SNX29: variants seen among roughly 807,000 people sequenced by gnomAD.
SNX29 encodes the protein sorting nexin-29.
A neutral mutation model predicts 102.1 loss-of-function variants in SNX29; 78 were observed. The ratio of observed to expected loss-of-function variants is 0.76; its 90% CI spans 0.64 to 0.92. The LOEUF (loss-of-function observed/expected upper bound fraction) is 0.92. Ranked by LOEUF, SNX29 falls within the 40% of genes least tolerant of loss-of-function variation. The pLI is 0.00. For synonymous variants in SNX29, 580 were observed against 414.5 expected (o/e 1.40, Z -4.85); for missense variants, 1,280 against 1,061.7 (o/e 1.21, Z -2.86).
chr16:12,221,804 C>T (rs1459259908), intron 14 of SNX29, among the ~76,000 whole-genome samples: 6 of 152,284 alleles, frequency 3.9e-5, no homozygotes, highest in South Asian at 2.1e-4. Context: ...TGCTCTCCAG[C>T]GTGTCTGTTG....
rs188855337 is a variant in SNX29, at chr16:12,545,030, G to C, written c.2318+20189G>C. The stretch of plus-strand genomic sequence containing the variant: ...GAAGCAGCAGATGTCGGCTTCAGTA[G>C]CCAGGTCTGTGATGCCCTGCTCCTG... On this transcript the variant is annotated intron_variant, in intron 20 of 20. Transcript: ENST00000566228. Among the ~76,000 whole-genome samples, 356 of 152,280 alleles carry C rather than the reference G, an allele frequency of 2.3e-3. 1 individual carries two copies. Among genetic ancestry groups the C allele is most frequent in the African/African-American group, 8.4e-3 (347 of 41,550 alleles).
chr16:12,011,555 G>A (rs963883369), intron 3 of SNX29, among the ~76,000 whole-genome samples: 6 of 152,106 alleles, frequency 3.9e-5, no homozygotes, highest in South Asian at 2.1e-4. Context: ...GATTATAGGC[G>A]TGAGTCACTA....
intron 13 of SNX29, among the ~76,000 whole-genome samples, chr16:12,131,352 A>G (rs894119969): frequency 1.3e-5 from 2 of 152,244 alleles, no homozygotes; most frequent in Admixed American, 6.5e-5. Context: ...CCAGATCCCA[A>G]CTTACATGCA....
At chr16:12,125,630 T>C (rs2054180266) in intron 11 of SNX29, among the ~76,000 whole-genome samples, 1 of 85,898 alleles carries the variant, frequency 1.2e-5, no homozygotes, top group South Asian at 4.1e-4. Flanking sequence ...TTTTTTTTTT[T>C]TTTTTTTTTT....
chr16:12,160,598 T>G (rs853870), intron 13 of SNX29, among the ~76,000 whole-genome samples: 63,269 of 152,008 alleles, frequency 0.42, 16,747 homozygotes, highest in African/African-American at 0.76. Flanking sequence ...TGGATATAGG[T>G]TTTCTTTTTG....
chr16:11,999,370 G>C lies in SNX29; in HGVS notation c.69+12G>C, dbSNP rs772980647. On this transcript the variant is annotated intron_variant, in intron 2 of 20. Transcript: ENST00000566228. ...ATGCAGTGAAACAGGTAAGCAGAAA[G>C]CACACATTTGCCTTTTTGGTCGAGT... 6.2e-7 allele frequency: 1 copy of C among 1,613,678 alleles called. No individual in the cohort carries two copies. Among genetic ancestry groups the C allele is most frequent in the South Asian group, 1.1e-5 (1 of 91,044 alleles).
chr16:12,193,285 C>T (rs1303942376), intron 13 of SNX29, among the ~76,000 whole-genome samples: 2 of 152,042 alleles, frequency 1.3e-5, no homozygotes, highest in Non-Finnish European at 2.9e-5. Flanking sequence ...GCCTGACCAA[C>T]ATGGCAAAAC....
At chr16:12,248,700 C>T (rs2078334437) in intron 14 of SNX29, among the ~76,000 whole-genome samples, 3 of 152,026 alleles carry the variant, frequency 2.0e-5, no homozygotes, top group African/African-American at 7.2e-5. Context: ...CAGGCATGAG[C>T]CACCGCACCC....
intron 8 of SNX29, among the ~76,000 whole-genome samples, chr16:12,061,231 C>G (rs549119755): frequency 2.6e-5 from 4 of 152,208 alleles, no homozygotes; most frequent in South Asian, 2.1e-4. Flanking sequence ...TTCATGCCCC[C>G]CAACAGACTG....
intron 20 of SNX29, among the ~76,000 whole-genome samples, chr16:12,539,785 G>C (rs982582562): frequency 2.6e-5 from 4 of 152,184 alleles, no homozygotes; most frequent in African/African-American, 4.8e-5. Flanking sequence ...AATGAGTAAT[G>C]ATGTTGAGCA....
intron 15 of SNX29, among the ~76,000 whole-genome samples, chr16:12,286,103 A>G (rs1415151952): frequency 6.6e-6 from 1 of 151,532 alleles, no homozygotes; most frequent in Non-Finnish European, 1.5e-5. Flanking sequence ...TCGGCCTCCC[A>G]AAGTGCTGGG....
At chr16:12,064,881 TCTCATTC>T (rs1375750147) in intron 9 of SNX29, among the ~76,000 whole-genome samples, 1 of 152,252 alleles carries the variant, frequency 6.6e-6, no homozygotes, top group Non-Finnish European at 1.5e-5. Context: ...TGACATTCCC[TCTCATTC>T]TGGAGCCACT....
intron 15 of SNX29, among the ~76,000 whole-genome samples, chr16:12,295,994 C>T (rs1032236795): frequency 1.3e-5 from 2 of 152,210 alleles, no homozygotes; most frequent in African/African-American, 4.8e-5. Flanking sequence ...GGTAACAACC[C>T]AGTTCCTACT....
intron 14 of SNX29, among the ~76,000 whole-genome samples, chr16:12,235,030 G>C (rs946423320): frequency 6.6e-6 from 1 of 151,674 alleles, no homozygotes; most frequent in South Asian, 2.1e-4. Context: ...GTCTCTCTCT[G>C]TCTTTGGCTT....
intron 19 of SNX29, among the ~76,000 whole-genome samples, chr16:12,521,884 C>T (rs535938929): frequency 3.0e-4 from 46 of 152,294 alleles, no homozygotes; most frequent in African/African-American, 9.6e-4. Context: ...GCACATAGCC[C>T]GCCTCCTGCC....
At chr16:12,451,634 C>T (rs560329402) in intron 18 of SNX29, among the ~76,000 whole-genome samples, 3 of 152,258 alleles carry the variant, frequency 2.0e-5, no homozygotes, top group African/African-American at 2.4e-5. Flanking sequence ...GAGGCTGAGG[C>T]GGGTGGACCA....
intron 1 of SNX29, among the ~76,000 whole-genome samples, chr16:11,993,287 A>T: frequency 6.6e-6 from 1 of 151,936 alleles, no homozygotes; most frequent in African/African-American, 2.4e-5. Flanking sequence ...TTAAAGAAGG[A>T]ATATAGCCGG....
At chr16:12,506,481 A>G (rs1027980908) in intron 19 of SNX29, among the ~76,000 whole-genome samples, 1 of 152,176 alleles carries the variant, frequency 6.6e-6, no homozygotes, top group East Asian at 1.9e-4. Flanking sequence ...CAAGAGTTAG[A>G]AGAAGAAAAG....
At chr16:12,196,645 G>A (rs535550113) in intron 13 of SNX29, among the ~76,000 whole-genome samples, 27 of 131,956 alleles carry the variant, frequency 2.0e-4, no homozygotes, top group Admixed American at 2.7e-4. Flanking sequence ...TTTTGGAGAC[G>A]GAGTCTCACT....
Sources: allele counts gnomAD v4.1 joint callset (sites outside exome capture counted in the v4.1 genomes callset), GRCh38; gene constraint gnomAD v4.1.1; transcripts MANE v1.5; gene names NCBI Gene and HGNC (gene_info 2026-07-23, HGNC 2026-07-21).